Variants in ADCY3 observed in about 807,000 individuals in gnomAD.
ADCY3 encodes the protein adenylate cyclase 3, also known as adenylate cyclase type 3.
In ADCY3, 70 loss-of-function variants were observed where a neutral mutation model predicts 119.4. The ratio of observed to expected loss-of-function variants is 0.59; its 90% CI spans 0.48 to 0.72. ADCY3 has a LOEUF of 0.72. ADCY3 is among the 30% of genes least tolerant of loss of function. The probability of loss-of-function intolerance (pLI) is 0.00; values close to 1 mark genes in which losing one functional copy is unlikely to be tolerated. For missense variants in ADCY3, 1,238 were observed against 1,541.6 expected (o/e 0.80, Z 3.30); for synonymous variants, 672 against 621.4 (o/e 1.08, Z -1.21).
chr2:24,856,551 G>A (rs889580246), intron 3 of ADCY3, among the ~76,000 whole-genome samples: 1 of 152,212 alleles, frequency 6.6e-6, no homozygotes, highest in Non-Finnish European at 1.5e-5. Context: ...AGGGAATGGA[G>A]AGAAGGACCA....
intron 3 of ADCY3, among the ~76,000 whole-genome samples, chr2:24,868,263 G>A (rs745405021): frequency 1.3e-5 from 2 of 152,084 alleles, no homozygotes; most frequent in Non-Finnish European, 1.5e-5. Context: ...TAAATTAAAC[G>A]ACACTGAAAA....
chr2:24,839,765 A>G (rs11125810), intron 7 of ADCY3, 108 bp downstream of exon 7: 1,314,753 of 1,484,176 alleles, frequency 0.89, 585,148 homozygotes, highest in East Asian at 0.99. Flanking sequence ...GGTTGTAGGG[A>G]GGCCTTCTCT....
chr2:24,874,957 G>T (rs1675489858), intron 2 of ADCY3, among the ~76,000 whole-genome samples: 1 of 152,202 alleles, frequency 6.6e-6, no homozygotes, highest in Non-Finnish European at 1.5e-5. Context: ...CATAATCTTT[G>T]GTGATTGGTG....
chr2:24,877,548 G>A (rs1675865074), intron 2 of ADCY3, among the ~76,000 whole-genome samples: 1 of 152,204 alleles, frequency 6.6e-6, no homozygotes, highest in East Asian at 1.9e-4. Context: ...CAGGCAGGAG[G>A]AGAGGTGTGA....
intron 3 of ADCY3, among the ~76,000 whole-genome samples, chr2:24,849,975 C>A (rs867127665): frequency 1.3e-5 from 2 of 152,126 alleles, no homozygotes; most frequent in Non-Finnish European, 2.9e-5. Flanking sequence ...TCTTTCTAGT[C>A]CTGTCCCCCA....
Position 24,834,903 on chromosome 2 carries a change from T to G in ADCY3, c.1696A>C (p.Arg566=). ...DNPSFPNPRR[R]LRLQDLADRV... is the part of the protein sequence containing the mutation. ...TCAGCCAGGTCCTGCAGGCGCAGCC[T>G]CCGGCGTGGGTTGGGGAATGAGGGG... The change falls in exon 10 of 22, where the codon AGG becomes CGG. Residue 566 remains arginine, a synonymous_variant. Coordinates refer to ENST00000679454, the MANE Select transcript of ADCY3 (RefSeq NM_004036.5). This position sits in a 1 kb window ranked among gnomAD's most constrained non-coding sequence, Gnocchi z 4.2. The G allele has an allele frequency of 6.2e-7, 1 of 1,613,778 alleles. No individual in the cohort carries two copies. The highest frequency in any genetic ancestry group is 8.5e-7 in the Non-Finnish European group (1 of 1,179,946).
rs1442770067 is a variant in ADCY3, at chr2:24,872,099, C to T, written c.825+471G>A. Reference sequence around the variant, plus strand: ...TGAGGCCGCAGGATGGGTCAAGGCCCCACCCACGGCATGAGCAGGTGCACA... The same window carrying T: ...TGAGGCCGCAGGATGGGTCAAGGCCTCACCCACGGCATGAGCAGGTGCACA... On this transcript the variant is annotated intron_variant, in intron 3 of 21. Transcript: ENST00000679454. This position sits in a 1 kb window ranked among gnomAD's most constrained non-coding sequence, Gnocchi z 4.4. 3.9e-5 allele frequency among the ~76,000 whole-genome samples: 6 copies of T among 152,200 alleles called. No homozygotes were observed. The highest frequency in any genetic ancestry group is 3.9e-4 in the Admixed American group (6 of 15,282).
At chr2:24,902,866 C>T (rs557622329) in intron 2 of ADCY3, among the ~76,000 whole-genome samples, 2 of 152,112 alleles carry the variant, frequency 1.3e-5, no homozygotes, top group African/African-American at 4.8e-5. Context: ...CCCGTCTCTA[C>T]TAAAAACACA....
intron 16 of ADCY3, among the ~76,000 whole-genome samples, chr2:24,824,748 G>A (rs1668347435): frequency 6.6e-6 from 1 of 152,166 alleles, no homozygotes; most frequent in South Asian, 2.1e-4. Flanking sequence ...AATTAGCCGG[G>A]CATGGTGGCG....
intron 20 of ADCY3, 169 bp from the exon 21 acceptor site, chr2:24,821,017 T>A (rs1448654816): frequency 1.0e-6 from 1 of 966,174 alleles, no homozygotes; most frequent in Non-Finnish European, 1.5e-6. Context: ...ATCTCCTGTT[T>A]ATCCGTGTGC....
At chr2:24,912,079 C>A (rs1168482746) in intron 2 of ADCY3, among the ~76,000 whole-genome samples, 1 of 152,186 alleles carries the variant, frequency 6.6e-6, no homozygotes, top group Non-Finnish European at 1.5e-5. Context: ...CTCACTGTCC[C>A]TGCTCATGGG....
Position 24,918,335 on chromosome 2 carries a change from T to G in ADCY3, c.653A>C (p.Lys218Thr). 6.3e-7 allele frequency: 1 copy of G among 1,587,566 alleles called. No individual in the cohort carries two copies. The highest frequency in any genetic ancestry group is 1.1e-5 in the South Asian group (1 of 87,392). The change falls in exon 2 of 22, where the codon AAG becomes ACG. Residue 218 changes from lysine to threonine, a missense_variant. This residue lies in a region of ADCY3 where 283 missense variants were observed against 437.2 expected (regional missense o/e 0.65). Transcript: ENST00000679454. This position sits in a 1 kb window ranked among gnomAD's most constrained non-coding sequence, Gnocchi z 5.4. ...CACCTCCCGCAGCAGCTGCATCCCC[T>G]TGAGCTCCTCCTGCTGCTGCTGGGC... The part of the protein sequence containing the change: ...TVAQQQQEEL[K>T]GMQLLREILA...
intron 2 of ADCY3, among the ~76,000 whole-genome samples, chr2:24,886,660 A>C (rs1357141836): frequency 1.3e-5 from 2 of 152,178 alleles, no homozygotes; most frequent in East Asian, 1.9e-4. Context: ...CTGCCAGGCC[A>C]GTTCTCGCCA....
chr2:24,908,549 A>ATCTTT, intron 2 of ADCY3, among the ~76,000 whole-genome samples: 1 of 152,338 alleles, frequency 6.6e-6, no homozygotes, highest in South Asian at 2.1e-4. Context: ...TGGTCTGCCA[A>ATCTTT]GATTAAATGT....
intron 3 of ADCY3, among the ~76,000 whole-genome samples, chr2:24,843,414 G>C (rs911395113): frequency 6.6e-6 from 1 of 152,098 alleles, no homozygotes; most frequent in African/African-American, 2.4e-5. Context: ...TACATTTTTT[G>C]TAGAAACAGG....
In ADCY3 at chr2:24,841,824, G is replaced by A. The variant is rs1428040706; in HGVS notation, c.957-157C>T. ...GACAGTGAGACCCTGACCCTTCCAG[G>A]TAAAGTCAGGGCTCTGACCTTGCAC... On this transcript the variant is annotated intron_variant, in intron 4 of 21. Transcript: ENST00000679454. The surrounding 1 kb of genome is among the most constrained non-coding windows in gnomAD (Gnocchi z 5.8). 6.6e-6 allele frequency among the ~76,000 whole-genome samples: 1 copy of A among 152,146 alleles called. No individual in the cohort carries two copies.
chr2:24,914,492 G>A (rs1180048966), intron 2 of ADCY3, among the ~76,000 whole-genome samples: 6 of 152,108 alleles, frequency 3.9e-5, no homozygotes, highest in African/African-American at 1.4e-4. Flanking sequence ...GGCCAACATG[G>A]TGAAATCCTG....
At chr2:24,917,535 C>T (rs1171244026) in intron 2 of ADCY3, among the ~76,000 whole-genome samples, 2 of 152,328 alleles carry the variant, frequency 1.3e-5, no homozygotes, top group East Asian at 1.9e-4. Flanking sequence ...GAGGGCCTGG[C>T]ACTTGGTGGG....
intron 3 of ADCY3, among the ~76,000 whole-genome samples, chr2:24,862,918 G>A (rs1212448879): frequency 1.3e-5 from 2 of 151,338 alleles, no homozygotes; most frequent in African/African-American, 4.8e-5. Context: ...TGCAGGCACT[G>A]TGCAATAACT....
Sources: allele counts gnomAD v4.1 joint callset (sites outside exome capture counted in the v4.1 genomes callset), GRCh38; gene constraint gnomAD v4.1.1; regional missense constraint gnomAD v4.1.1; non-coding constraint Gnocchi (gnomAD v3.1); transcripts MANE v1.5; gene names NCBI Gene and HGNC (gene_info 2026-07-23, HGNC 2026-07-21).